Variants in PKNOX2 observed in about 807,000 individuals in gnomAD.
PKNOX2 encodes the protein homeobox protein PKNOX2.
In PKNOX2, 14 loss-of-function variants were observed where a neutral mutation model predicts 53.1. The observed-to-expected ratio is 0.26, with a 90% CI of 0.17 to 0.41. The LOEUF (loss-of-function observed/expected upper bound fraction) is 0.41, where lower values mean the gene tolerates loss of function less well. PKNOX2 is among the 10% of genes least tolerant of loss of function. PKNOX2 has a pLI of 1.00. For synonymous variants in PKNOX2, 257 were observed against 242.8 expected, an observed-to-expected ratio of 1.06 and a Z score of -0.54; for missense variants, 496 against 602.8, an observed-to-expected ratio of 0.82 and a Z score of 1.85.
chr11:125,338,516 T>A (rs1397467853), intron 3 of PKNOX2, among the ~76,000 whole-genome samples: 1 of 152,082 alleles, frequency 6.6e-6, no homozygotes, highest in African/African-American at 2.4e-5. Flanking sequence ...CTCCTTCCCA[T>A]CCCAGAGCCT....
At chr11:125,359,618 C>T (rs142844799) in intron 4 of PKNOX2, among the ~76,000 whole-genome samples, 5 of 152,314 alleles carry the variant, frequency 3.3e-5, no homozygotes, top group African/African-American at 4.8e-5. Flanking sequence ...GACCTCAAGC[C>T]CTGACCTCTT....
chr11:125,324,441 TA>T (rs1949716811), intron 2 of PKNOX2, among the ~76,000 whole-genome samples: 1 of 152,184 alleles, frequency 6.6e-6, no homozygotes, highest in South Asian at 2.1e-4. Context: ...ATCCAGCAAA[TA>T]TGCTGAACAC....
intron 1 of PKNOX2, among the ~76,000 whole-genome samples, chr11:125,215,564 C>T (rs943469681): frequency 6.6e-6 from 1 of 151,912 alleles, no homozygotes; most frequent in Admixed American, 6.6e-5. Flanking sequence ...CCAGCCTGAC[C>T]AACACGGCGA....
At chr11:125,289,938 G>C (rs570677665) in intron 2 of PKNOX2, among the ~76,000 whole-genome samples, 1 of 152,226 alleles carries the variant, frequency 6.6e-6, no homozygotes, top group African/African-American at 2.4e-5. Context: ...TTGAGGGCTG[G>C]GTCTTTCCTG....
chr11:125,230,465 G>A (rs1942112125), intron 1 of PKNOX2, among the ~76,000 whole-genome samples: 1 of 152,116 alleles, frequency 6.6e-6, no homozygotes, highest in Non-Finnish European at 1.5e-5. Flanking sequence ...GGGACGAGTG[G>A]TCCATCAGGT....
intron 1 of PKNOX2, among the ~76,000 whole-genome samples, chr11:125,194,284 C>T (rs946179024): frequency 1.3e-5 from 2 of 152,214 alleles, no homozygotes; most frequent in Non-Finnish European, 2.9e-5. Context: ...CTTCCCCACC[C>T]CAGGCCGGCT....
chr11:125,395,717 A>G (rs1954341171), intron 6 of PKNOX2, among the ~76,000 whole-genome samples: 1 of 152,120 alleles, frequency 6.6e-6, no homozygotes, highest in African/African-American at 2.4e-5. Context: ...TGCCATCTGT[A>G]TATCCTCTTC....
At chr11:125,389,880 AC>A (rs1322796692) in intron 6 of PKNOX2, among the ~76,000 whole-genome samples, 1 of 152,122 alleles carries the variant, frequency 6.6e-6, no homozygotes, top group East Asian at 1.9e-4. Context: ...CGGCTGCCTG[AC>A]CGCAAAGCCA....
At chr11:125,184,071 G>A (rs1565463716) in intron 1 of PKNOX2, 1 of 152,264 alleles carries the variant, frequency 6.6e-6, no homozygotes, top group Admixed American at 6.5e-5. Flanking sequence ...GGAGCAGACA[G>A]TTTGAGTGGG....
rs905812716 is a variant in PKNOX2, at chr11:125,195,385, G to A, written c.-201+30609G>A. Among the ~76,000 whole-genome samples, 7 of 152,028 alleles carry A rather than the reference G, an allele frequency of 4.6e-5. No individual in the cohort carries two copies. The East Asian group carries it at 5.8e-4, about 13-fold the overall frequency. Reference sequence around the variant, plus strand: ...AAGTAAGTAGGTGATATTATAAAACGAAAAGTTTTTAGGAACATGAGGATG... The same window carrying A: ...AAGTAAGTAGGTGATATTATAAAACAAAAAGTTTTTAGGAACATGAGGATG... On this transcript the variant is annotated intron_variant, in intron 1 of 12. Coordinates refer to ENST00000298282, the MANE Select transcript of PKNOX2 (RefSeq NM_001382323.2).
intron 2 of PKNOX2, among the ~76,000 whole-genome samples, chr11:125,254,775 C>T (rs551480019): frequency 3.2e-4 from 48 of 152,256 alleles, no homozygotes; most frequent in African/African-American, 1.1e-3. Flanking sequence ...GTTCCCACCT[C>T]ACCTTCTGTA....
chr11:125,279,802 A>G (rs1437367018), intron 2 of PKNOX2, among the ~76,000 whole-genome samples: 1 of 152,230 alleles, frequency 6.6e-6, no homozygotes, highest in African/African-American at 2.4e-5. Flanking sequence ...AGCCTGTGCA[A>G]GTGTTAAATA....
chr11:125,245,542 G>A (rs1383402653), intron 2 of PKNOX2, among the ~76,000 whole-genome samples: 2 of 152,190 alleles, frequency 1.3e-5, no homozygotes, highest in Non-Finnish European at 2.9e-5. Context: ...GGAATGGTGC[G>A]GCCTCCCCCA....
At chr11:125,255,588 G>A (rs951484197) in intron 2 of PKNOX2, among the ~76,000 whole-genome samples, 4 of 152,216 alleles carry the variant, frequency 2.6e-5, no homozygotes, top group South Asian at 2.1e-4. Flanking sequence ...TTCTGTGTTA[G>A]TGGGGAAGGG....
chr11:125,407,753 A>C (rs573216470), intron 7 of PKNOX2, among the ~76,000 whole-genome samples: 34 of 151,876 alleles, frequency 2.2e-4, no homozygotes, highest in Admixed American at 5.2e-4. Flanking sequence ...AAAACAAACA[A>C]AAAAAAAAGT....
chr11:125,420,074 C>G (rs1481637284), intron 10 of PKNOX2, among the ~76,000 whole-genome samples: 2 of 151,262 alleles, frequency 1.3e-5, no homozygotes, highest in Non-Finnish European at 2.9e-5. Flanking sequence ...GTAGTCCCAG[C>G]TATTTGTGGG....
At chr11:125,341,155 G>A (rs928217745) in intron 3 of PKNOX2, among the ~76,000 whole-genome samples, 16 of 151,036 alleles carry the variant, frequency 1.1e-4, no homozygotes, top group Admixed American at 4.6e-4. Flanking sequence ...TCAAGAGACC[G>A]AGACCAGCCT....
At chr11:125,398,456 A>C (rs1954545613) in intron 7 of PKNOX2, among the ~76,000 whole-genome samples, 1 of 152,168 alleles carries the variant, frequency 6.6e-6, no homozygotes, top group African/African-American at 2.4e-5. Flanking sequence ...ATTTCTGGGA[A>C]AGGGCATTTG....
chr11:125,351,365 G>A lies in PKNOX2; in HGVS notation c.60G>A (p.Pro20=), dbSNP rs767658428. 74 of 1,605,062 alleles carry A rather than the reference G, an allele frequency of 4.6e-5. 1 individual carries two copies. The South Asian group carries it at 7.8e-4, about 17-fold the overall frequency. Reference sequence around the variant, plus strand: ...CGATGATGGCCACGCAGAATGTCCCGCCCCCACCCTACCAGGACAGCCCAC... The same window carrying A: ...CGATGATGGCCACGCAGAATGTCCCACCCCCACCCTACCAGGACAGCCCAC... ...ALTMMATQNV[P]PPPYQDSPQM... is the part of the protein sequence containing the mutation. Residue 20 remains proline (P), a synonymous_variant, in exon 4 of 13, where the codon CCG becomes CCA. Coordinates refer to ENST00000298282, the MANE Select transcript of PKNOX2 (RefSeq NM_001382323.2).
Sources: allele counts gnomAD v4.1 joint callset (sites outside exome capture counted in the v4.1 genomes callset), GRCh38; gene constraint gnomAD v4.1.1; transcripts MANE v1.5; gene names NCBI Gene and HGNC (gene_info 2026-07-23, HGNC 2026-07-21).